Variants in SLC14A2 observed in about 807,000 individuals in gnomAD.
The protein encoded by SLC14A2 is urea transporter 2.
SLC14A2 carries 91 observed loss-of-function variants against 104.6 expected under a neutral mutation model. The observed-to-expected ratio is 0.87, with a 90% confidence interval of 0.73 to 1.04. The LOEUF is 1.04. SLC14A2 is among the 50% of genes least tolerant of loss of function. The pLI, the probability that SLC14A2 is intolerant of heterozygous loss-of-function variation, is 0.00. For synonymous variants in SLC14A2, 476 were observed against 466.4 expected (o/e 1.02, Z -0.27); for missense variants, 1,189 against 1,156.0 (o/e 1.03, Z -0.41).
At chr18:45,488,297 G>A (rs898361587) in intron 2 of SLC14A2, among the ~76,000 whole-genome samples, 2 of 152,152 alleles carry the variant, frequency 1.3e-5, no homozygotes, top group African/African-American at 2.4e-5. Context: ...AAGTTCTGGG[G>A]ACTAAGATCC....
intron 1 of SLC14A2, among the ~76,000 whole-genome samples, chr18:45,389,111 C>T (rs1317457195): frequency 1.3e-5 from 2 of 152,120 alleles, no homozygotes; most frequent in South Asian, 2.1e-4. Context: ...CCTGTGCAAG[C>T]CCTGGTATGT....
chr18:45,194,623 A>C, the SLC14A2 span, among the ~76,000 whole-genome samples: 6 of 145,064 alleles, frequency 4.1e-5, no homozygotes, highest in South Asian at 1.3e-3. Flanking sequence ...TTGCATCTCT[A>C]TGAGGGATAT....
At position 45,637,198 on chromosome 18, in the gene SLC14A2, G is replaced by T; in HGVS notation, c.843+16G>T. The T allele has an allele frequency of 6.2e-7, 1 of 1,608,492 alleles. No individual in the cohort carries two copies. The highest frequency in any genetic ancestry group is 8.5e-7 in the Non-Finnish European group (1 of 1,175,834). On this transcript the variant is annotated intron_variant, in intron 6 of 19. Transcript: ENST00000255226. The stretch of plus-strand genomic sequence containing the variant: ...AATGCCCCTGGTAAGTTACCCAGCG[G>T]TGATGAGTTGAGACCCCCATATTCC...
intron 1 of SLC14A2, among the ~76,000 whole-genome samples, chr18:45,280,439 C>T (rs984839115): frequency 2.0e-5 from 3 of 152,062 alleles, no homozygotes; most frequent in Admixed American, 1.3e-4. Context: ...TGATTTTGGT[C>T]GATTGAGGTT....
chr18:45,564,688 C>T (rs13381382), intron 2 of SLC14A2, among the ~76,000 whole-genome samples: 43,908 of 152,118 alleles, frequency 0.29, 7,112 homozygotes, highest in Admixed American at 0.35. Context: ...TGAAATATCT[C>T]ACTTTTGCCA....
chr18:45,300,572 T>C lies in SLC14A2; in HGVS notation c.-125+87381T>C, dbSNP rs570914876. On this transcript the variant is annotated intron_variant, in intron 1 of 20. Coordinates refer to the SLC14A2 transcript ENST00000586448. ...ACCCATTATGTGCAGGTCACTGGGA[T>C]AGATGATGCAGGGGATGTGAAGTTT... Among the ~76,000 whole-genome samples, 6 of 152,348 alleles carry C rather than the reference T, an allele frequency of 3.9e-5. No individual in the cohort carries two copies. In the East Asian group the frequency reaches 9.6e-4, roughly 24 times the overall value.
chr18:45,476,702 C>T (rs1304473322), intron 1 of SLC14A2, among the ~76,000 whole-genome samples: 5 of 152,126 alleles, frequency 3.3e-5, no homozygotes, highest in Non-Finnish European at 7.4e-5. Context: ...TTTCTCTAAT[C>T]TTGTCTTCAT....
intron 1 of SLC14A2, among the ~76,000 whole-genome samples, chr18:45,460,295 G>A (rs1225559256): frequency 1.3e-5 from 2 of 152,120 alleles, no homozygotes; most frequent in Non-Finnish European, 2.9e-5. Context: ...ATCACACACT[G>A]ACTCTTCACC....
intron 2 of SLC14A2, among the ~76,000 whole-genome samples, chr18:45,558,247 T>C (rs1462943264): frequency 6.6e-6 from 1 of 152,200 alleles, no homozygotes; most frequent in Non-Finnish European, 1.5e-5. Context: ...TGTCTCCTTA[T>C]TGTAGACCCC....
chr18:45,637,210 G>A, intron 6 of SLC14A2, 28 bp downstream of exon 6: 1 of 1,591,916 alleles, frequency 6.3e-7, no homozygotes, highest in East Asian at 2.2e-5. Flanking sequence ...GATGAGTTGA[G>A]ACCCCCATAT....
intron 1 of SLC14A2, among the ~76,000 whole-genome samples, chr18:45,275,763 C>G (rs1336557071): frequency 6.6e-6 from 1 of 152,106 alleles, no homozygotes; most frequent in Non-Finnish European, 1.5e-5. Flanking sequence ...TCTTTTTTTA[C>G]TAATAAAGTG....
At chr18:45,523,034 T>A (rs1046907720) in intron 2 of SLC14A2, among the ~76,000 whole-genome samples, 1 of 152,318 alleles carries the variant, frequency 6.6e-6, no homozygotes, top group Admixed American at 6.5e-5. Context: ...TGTCTTACCA[T>A]GACCCCATAA....
intron 1 of SLC14A2, among the ~76,000 whole-genome samples, chr18:45,391,328 T>C (rs182017888): frequency 6.6e-6 from 1 of 152,226 alleles, no homozygotes; most frequent in Non-Finnish European, 1.5e-5. Context: ...TCTATCATTG[T>C]TGGACATTTG....
intron 1 of SLC14A2, among the ~76,000 whole-genome samples, chr18:45,467,327 C>T (rs1327345503): frequency 1.3e-5 from 2 of 152,140 alleles, no homozygotes; most frequent in African/African-American, 2.4e-5. Context: ...TCCCTCAATC[C>T]CCATTTATGT....
At chr18:45,337,087 C>T (rs1383426966) in intron 1 of SLC14A2, among the ~76,000 whole-genome samples, 1 of 151,522 alleles carries the variant, frequency 6.6e-6, no homozygotes, top group Non-Finnish European at 1.5e-5. Flanking sequence ...ACCTCCAGCT[C>T]TAAGCAGGAT....
At chr18:45,654,450 T>C (rs923784904) in intron 10 of SLC14A2, among the ~76,000 whole-genome samples, 1 of 152,074 alleles carries the variant, frequency 6.6e-6, no homozygotes, top group African/African-American at 2.4e-5. Flanking sequence ...GGAGCCCAGG[T>C]AAGAAGTCCT....
At chr18:45,228,061 G>A (rs561564119) in intron 1 of SLC14A2, among the ~76,000 whole-genome samples, 3 of 152,198 alleles carry the variant, frequency 2.0e-5, no homozygotes, top group East Asian at 1.9e-4. Context: ...ATTGCCATTG[G>A]CAATGTTCAT....
chr18:45,402,457 T>C (rs1452636963), intron 1 of SLC14A2, among the ~76,000 whole-genome samples: 1 of 152,226 alleles, frequency 6.6e-6, no homozygotes, highest in Non-Finnish European at 1.5e-5. Context: ...ACATTTTTAT[T>C]GTTTGCCTGA....
chr18:45,312,946 G>A (rs181692852), intron 1 of SLC14A2, among the ~76,000 whole-genome samples: 1 of 152,288 alleles, frequency 6.6e-6, no homozygotes, highest in East Asian at 1.9e-4. Flanking sequence ...AAGCCGGTTG[G>A]CCTCGTCAGT....
Sources: gnomAD v4.1 joint callset for allele counts (sites outside exome capture counted in the v4.1 genomes callset) on GRCh38, gnomAD v4.1.1 for gene constraint, MANE v1.5 for transcripts, NCBI Gene and HGNC (gene_info 2026-07-23, HGNC 2026-07-21) for gene names.